LRRC43: variants seen among roughly 807,000 people sequenced by gnomAD.
The protein encoded by LRRC43 is leucine-rich repeat-containing protein 43.
Under a neutral mutation model 64.3 loss-of-function variants are expected in LRRC43, and 62 were observed. The observed-to-expected ratio is 0.96, with a 90% CI of 0.79 to 1.19. The LOEUF is 1.19. Ranked by LOEUF, LRRC43 falls within the 50% of genes most tolerant of loss-of-function variation. The pLI, the probability that LRRC43 is intolerant of heterozygous loss-of-function variation, is 0.00. For synonymous variants in LRRC43, 422 were observed against 382.3 expected (o/e 1.10, Z -1.21); for missense variants, 868 against 845.0 (o/e 1.03, Z -0.34).
In LRRC43 at chr12:122,175,380, G is replaced by A. The variant is rs142226660; in HGVS notation, c.-406+7598G>A. ...AGACGGGGTTCACTATGTTGGCCAG[G>A]CTGGTCTCAAACGCCTGACCTTGTG... On this transcript the variant is annotated intron_variant, in intron 1 of 5. Coordinates refer to the LRRC43 transcript ENST00000537729. Among the ~76,000 whole-genome samples, 1,045 of 151,906 alleles carry A rather than the reference G, an allele frequency of 6.9e-3. 11 individuals are homozygous for A. Among genetic ancestry groups the A allele is most frequent in the African/African-American group, 0.024 (975 of 41,410 alleles).
At chr12:122,186,031 G>A (rs1012560289) in intron 2 of LRRC43, among the ~76,000 whole-genome samples, 159 bp from the exon 3 acceptor site, 1 of 152,144 alleles carries the variant, frequency 6.6e-6, no homozygotes, top group Non-Finnish European at 1.5e-5. Flanking sequence ...GATCCTGGCA[G>A]AGCGATGCAG....
intron 2 of LRRC43, 45 bp from the exon 3 acceptor site, chr12:122,186,145 C>A: frequency 9.1e-7 from 1 of 1,093,144 alleles, no homozygotes; most frequent in Non-Finnish European, 1.4e-6. Context: ...TGTGCCCGTG[C>A]TCCCTCTCCT....
intron 3 of LRRC43, among the ~76,000 whole-genome samples, chr12:122,187,058 A>G (rs1015122110): frequency 2.6e-5 from 4 of 151,856 alleles, no homozygotes; most frequent in African/African-American, 9.7e-5. Flanking sequence ...ACATAGGAAT[A>G]TCCCCTCTAC....
At chr12:122,168,147 T>C (rs1953456299) in intron 1 of LRRC43, among the ~76,000 whole-genome samples, 1 of 137,588 alleles carries the variant, frequency 7.3e-6, no homozygotes, top group Non-Finnish European at 1.6e-5. Context: ...AAAAAAAAAA[T>C]AGAAGTGGGA....
At chr12:122,182,415 G>A (rs904999585), upstream of LRRC43, among the ~76,000 whole-genome samples, 11 of 151,766 alleles carry the variant, frequency 7.2e-5, no homozygotes, top group Non-Finnish European at 1.3e-4. Context: ...CCAGCTACTC[G>A]GGAGGCTGAG....
At position 122,194,836 on chromosome 12, in the gene LRRC43, C is replaced by G. The variant is rs140032828; in HGVS notation, c.1349+1832C>G. Among the ~76,000 whole-genome samples, 36 of 152,210 alleles carry G rather than the reference C, an allele frequency of 2.4e-4. 2 individuals carry two copies. The South Asian group carries it at 7.5e-3, about 32-fold the overall frequency. ...CCCATTTCCTTCATGTTGTTATGGTCAAATATATTACATTTCTACATGTTA... is the reference window on the plus strand; with the variant it reads ...CCCATTTCCTTCATGTTGTTATGGTGAAATATATTACATTTCTACATGTTA... On this transcript the variant is annotated intron_variant, in intron 7 of 11. Coordinates refer to ENST00000339777, the MANE Select transcript of LRRC43 (RefSeq NM_001098519.2).
rs35033444 is a variant in LRRC43, at chr12:122,184,095, ATT to A, written c.151-408_151-407del. ...AAATTATTGATTATTCACTGTCTAG[ATT>A]TTTTTTTTTTTTTTTGAGACGGAGT... is the stretch of plus-strand genomic sequence containing the variant. On this transcript the variant is annotated intron_variant, in intron 1 of 11. Coordinates refer to ENST00000339777, the MANE Select transcript of LRRC43 (RefSeq NM_001098519.2). This position sits in a 1 kb window ranked among gnomAD's most constrained non-coding sequence, Gnocchi z 4.0. Among the ~76,000 whole-genome samples the A allele has an allele frequency of 0.16, 22,513 of 137,712 alleles. 1,903 individuals carry two copies. The highest frequency in any genetic ancestry group is 0.25 in the Admixed American group (3,564 of 14,056). 90.3% of individuals were successfully genotyped at this position (137,712 alleles called of 152,430 possible).
chr12:122,180,626 A>G (rs10847516), upstream of LRRC43, among the ~76,000 whole-genome samples: 77,602 of 152,012 alleles, frequency 0.51, 20,208 homozygotes, highest in East Asian at 0.69. Flanking sequence ...CTTGGGATGA[A>G]GGGTGGAAGG....
intron 1 of LRRC43, among the ~76,000 whole-genome samples, chr12:122,174,502 T>G (rs1260173540): frequency 6.6e-6 from 1 of 152,064 alleles, no homozygotes; most frequent in Non-Finnish European, 1.5e-5. Context: ...TAGACAAAAT[T>G]TTGAAGCCCA....
intron 7 of LRRC43, among the ~76,000 whole-genome samples, chr12:122,195,106 A>G (rs1953761759): frequency 6.6e-6 from 1 of 152,156 alleles, no homozygotes; most frequent in Non-Finnish European, 1.5e-5. Context: ...TGTTTCGTGT[A>G]AGGCAAATCT....
Position 122,190,341 on chromosome 12 carries a change from C to T in LRRC43, c.874C>T (p.Leu292Phe). ...CACCGTGTCTCCCAATGAGAAGCAT[C>T]TCTTCCGGGGGCTCAGCCTCAATGG... Reference protein sequence around the residue: ...DITVSPNEKHLFRGLSLNGDL... With the variant: ...DITVSPNEKHFFRGLSLNGDL... The change falls in exon 5 of 12, where the codon CTC becomes TTC. Residue 292 changes from leucine (L) to phenylalanine (F), a missense_variant. Coordinates refer to ENST00000339777, the MANE Select transcript of LRRC43 (RefSeq NM_001098519.2). 1 of 1,614,130 alleles carries T rather than the reference C, an allele frequency of 6.2e-7. No homozygotes were observed.
chr12:122,173,035 G>T (rs1249536641), intron 1 of LRRC43, among the ~76,000 whole-genome samples: 1 of 152,054 alleles, frequency 6.6e-6, no homozygotes, highest in Non-Finnish European at 1.5e-5. Flanking sequence ...CAGCACATCT[G>T]GCCTTCCATG....
intron 7 of LRRC43, among the ~76,000 whole-genome samples, chr12:122,198,625 T>G (rs1477045171): frequency 7.2e-6 from 1 of 138,424 alleles, no homozygotes; most frequent in Non-Finnish European, 1.6e-5. Flanking sequence ...CTTCATTCCT[T>G]TTTTTTTTTT....
intron 1 of LRRC43, among the ~76,000 whole-genome samples, chr12:122,168,557 G>A (rs1468449095): frequency 6.6e-6 from 1 of 151,970 alleles, no homozygotes; most frequent in Non-Finnish European, 1.5e-5. Flanking sequence ...TAAAGGGCTG[G>A]GATTACAGGG....
intron 7 of LRRC43, among the ~76,000 whole-genome samples, chr12:122,194,172 C>T (rs1356913551): frequency 2.6e-5 from 4 of 151,446 alleles, no homozygotes; most frequent in Non-Finnish European, 5.9e-5. Flanking sequence ...TTATATAATC[C>T]ATGTCTTGCA....
At chr12:122,201,066 G>A in intron 10 of LRRC43, 132 bp downstream of exon 10, 1 of 1,212,664 alleles carries the variant, frequency 8.2e-7, no homozygotes, top group Non-Finnish European at 1.1e-6. Context: ...TTTCCCTGGG[G>A]CATGCAGCTG....
chr12:122,189,739 T>A (rs1953692058), intron 4 of LRRC43, among the ~76,000 whole-genome samples: 1 of 152,216 alleles, frequency 6.6e-6, no homozygotes, highest in Non-Finnish European at 1.5e-5. Flanking sequence ...TCCTGCCCTG[T>A]CCACAACTCC....
chr12:122,184,622 T>G lies in LRRC43; in HGVS notation c.254T>G (p.Leu85Arg), dbSNP rs931886904. ...SPGEETVEAL[L>R]GLVRSRHSPW... is the part of the protein sequence containing the mutation. ...GGAGAGGAGACGGTGGAGGCCCTGC[T>G]GGGCCTGGTCCGCAGCCGCCACTCC... is the stretch of plus-strand genomic sequence containing the variant. The change falls in exon 2 of 12, where the codon CTG becomes CGG. Residue 85 changes from leucine to arginine, a missense_variant. Coordinates refer to ENST00000339777, the MANE Select transcript of LRRC43 (RefSeq NM_001098519.2). This position sits in a 1 kb window ranked among gnomAD's most constrained non-coding sequence, Gnocchi z 4.0. The G allele has an allele frequency of 1.2e-6, 2 of 1,613,746 alleles. No homozygotes were observed. The highest frequency in any genetic ancestry group is 2.7e-5 in the African/African-American group (2 of 74,898).
chr12:122,201,335 T>C lies in LRRC43; in HGVS notation c.1843+6T>C. ...TAAGAAAGTTGCCAAAAAAGGTGAG[T>C]GCCGATGGTGGTGACCAAAGGCAGG... On this transcript the variant is annotated splice_donor_region_variant and intron_variant, in intron 11 of 11. Transcript: ENST00000339777. 6.2e-7 allele frequency: 1 copy of C among 1,613,918 alleles called. No individual in the cohort carries two copies. Among genetic ancestry groups the C allele is most frequent in the Non-Finnish European group, 8.5e-7 (1 of 1,179,842 alleles).
Sources: allele counts gnomAD v4.1 joint callset (sites outside exome capture counted in the v4.1 genomes callset), GRCh38; gene constraint gnomAD v4.1.1; non-coding constraint Gnocchi (gnomAD v3.1); transcripts MANE v1.5; gene names NCBI Gene and HGNC (gene_info 2026-07-23, HGNC 2026-07-21).